Variants in AXIN1 observed in about 807,000 individuals in gnomAD.
AXIN1 encodes axin-1.
In AXIN1, 30 loss-of-function variants were observed where a neutral mutation model predicts 76.4. That is an observed-to-expected ratio of 0.39 (90% confidence interval 0.29 to 0.53). The LOEUF (loss-of-function observed/expected upper bound fraction) is 0.53, where lower values mean the gene tolerates loss of function less well. Among genes scored for constraint, AXIN1 ranks in the 20% least tolerant of loss-of-function variants. The pLI is 0.66. For synonymous variants in AXIN1, 545 were observed against 501.4 expected (o/e 1.09, Z -1.16); for missense variants, 1,140 against 1,198.8 (o/e 0.95, Z 0.72).
intron 4 of AXIN1, among the ~76,000 whole-genome samples, chr16:309,614 CAGG>C (rs1195718229): frequency 6.6e-6 from 1 of 152,252 alleles, no homozygotes; most frequent in Non-Finnish European, 1.5e-5. Context: ...AAGGGCTGTG[CAGG>C]GGCCAGGCCT....
intron 2 of AXIN1, among the ~76,000 whole-genome samples, chr16:318,650 T>C (rs993547244): frequency 2.6e-5 from 4 of 152,288 alleles, no homozygotes; most frequent in Admixed American, 6.5e-5. Context: ...GGGAGGGGCA[T>C]GTGCTCGCGT....
intron 2 of AXIN1, among the ~76,000 whole-genome samples, chr16:325,902 A>G (rs1004544470): frequency 1.3e-5 from 2 of 152,136 alleles, no homozygotes; most frequent in African/African-American, 4.8e-5. Flanking sequence ...GGCACAGCAC[A>G]CAAAATGCAG....
At chr16:310,493 T>C (rs2053149328) in intron 3 of AXIN1, among the ~76,000 whole-genome samples, 1 of 152,006 alleles carries the variant, frequency 6.6e-6, no homozygotes, top group Non-Finnish European at 1.5e-5. Context: ...ACCTCCCGGG[T>C]TCACGCTATT....
At chr16:300,178 G>A (rs1408523834) in intron 5 of AXIN1, among the ~76,000 whole-genome samples, 2 of 151,892 alleles carry the variant, frequency 1.3e-5, no homozygotes, top group Non-Finnish European at 2.9e-5. Flanking sequence ...CTGACCTCAG[G>A]TGATCCACCC....
rs214241 is a variant in AXIN1 at position 303,219 on chromosome 16, C to T, written c.1254+1085G>A. On this transcript the variant is annotated intron_variant, in intron 5 of 10. Coordinates refer to ENST00000262320, the MANE Select transcript of AXIN1 (RefSeq NM_003502.4). ...TGGGAAGGGGTCTCCAGAGAAACTC[C>T]AGCCGGCCTGCGCACTGGGAGGAGC... Among the ~76,000 whole-genome samples the T allele has an allele frequency of 8.5e-3, 1,301 of 152,208 alleles. 8 individuals carry two copies. Among genetic ancestry groups the T allele is most frequent in the Non-Finnish European group, 0.013 (852 of 68,010 alleles).
chr16:334,927 G>C (rs1401525295), intron 2 of AXIN1, among the ~76,000 whole-genome samples: 1 of 152,066 alleles, frequency 6.6e-6, no homozygotes, highest in East Asian at 1.9e-4. Context: ...CTCTGAGGCA[G>C]AAATAGAAAA....
At position 352,521 on chromosome 16, in the gene AXIN1, G is replaced by A; in HGVS notation, c.-234C>T. On this transcript the variant is annotated 5_prime_UTR_variant, in exon 1 of 11. Coordinates refer to ENST00000262320, the MANE Select transcript of AXIN1 (RefSeq NM_003502.4). ...CTCGGCGGCTGCGGCTCGGCGGCCC[G>A]GAGGCGGACGCGGGGCAGGCCGCGG... 1 of 686,384 alleles carries A rather than the reference G, an allele frequency of 1.5e-6. No individual in the cohort carries two copies. Among genetic ancestry groups the A allele is most frequent in the Non-Finnish European group, 1.8e-6 (1 of 559,792 alleles). The allele number at this position is 686,384 out of a possible 1,614,324, so 42.5% of individuals were successfully genotyped here.
chr16:310,282 G>T (rs2053141337), intron 3 of AXIN1, among the ~76,000 whole-genome samples: 2 of 152,240 alleles, frequency 1.3e-5, no homozygotes, highest in Non-Finnish European at 1.5e-5. Flanking sequence ...TGATGGTAAA[G>T]CCCAGGTGCC....
chr16:308,432 A>T (rs980948908), intron 4 of AXIN1, among the ~76,000 whole-genome samples: 3 of 152,110 alleles, frequency 2.0e-5, no homozygotes, highest in Non-Finnish European at 4.4e-5. Flanking sequence ...CTTTCTACAC[A>T]CGAAGACTCT....
intron 7 of AXIN1, among the ~76,000 whole-genome samples, chr16:294,755 CAAA>C (rs1015576394): frequency 2.4e-4 from 6 of 24,760 alleles, no homozygotes; most frequent in African/African-American, 8.5e-4. Context: ...AACCCCATCT[CAAA>C]AAAAAAAAAA....
At chr16:319,553 T>C (rs146514171) in intron 2 of AXIN1, among the ~76,000 whole-genome samples, 1,650 of 152,242 alleles carry the variant, frequency 0.011, 29 homozygotes, top group African/African-American at 0.038. Context: ...GCCAGTGCAC[T>C]CTAGGCTGGC....
At chr16:344,483 T>G (rs35050910) in intron 2 of AXIN1, among the ~76,000 whole-genome samples, 31,426 of 149,764 alleles carry the variant, frequency 0.21, 3,612 homozygotes, top group South Asian at 0.3. Flanking sequence ...TTTGTTTTTT[T>G]TTTGTTTTTT....
intron 10 of AXIN1, among the ~76,000 whole-genome samples, chr16:288,583 G>A (rs1476635649): frequency 2.0e-5 from 3 of 152,238 alleles, no homozygotes; most frequent in Non-Finnish European, 4.4e-5. Flanking sequence ...CGTCATGGAG[G>A]TGACCCCAAC....
In AXIN1 at chr16:302,294, A is replaced by G. The variant is rs985049663; in HGVS notation, c.1254+2010T>C. 5.3e-5 allele frequency among the ~76,000 whole-genome samples: 8 copies of G among 152,374 alleles called. No homozygotes were observed. The East Asian group carries it at 1.2e-3, about 22-fold the overall frequency. On this transcript the variant is annotated intron_variant, in intron 5 of 10. Transcript: ENST00000262320. ...GAGAAGGTGAACTTGGCACCTGCAG[A>G]GCCCTGGAGCTGGCACCACCCACAC...
chr16:295,362 G>A (rs1443314121), intron 7 of AXIN1, among the ~76,000 whole-genome samples: 5 of 151,556 alleles, frequency 3.3e-5, no homozygotes, highest in African/African-American at 9.7e-5. Flanking sequence ...CACCTGCCTC[G>A]GCCTCCCAAA....
In AXIN1 at chr16:288,341, C is replaced by T. The variant is rs552042203; in HGVS notation, c.2463-93G>A. On this transcript the variant is annotated intron_variant, in intron 10 of 10. Transcript: ENST00000262320. ...GGGACGGCGTGTCCACACCCCATCC[C>T]GAGGAGCCTCCTGTCCATGCCCCAC... is the stretch of plus-strand genomic sequence containing the variant. The T allele has an allele frequency of 6.4e-5, 101 of 1,584,640 alleles. 1 individual carries two copies. In the East Asian group the frequency reaches 1.9e-3, roughly 30 times the overall value.
At chr16:344,402 C>A (rs1291335597) in intron 2 of AXIN1, among the ~76,000 whole-genome samples, 1 of 146,084 alleles carries the variant, frequency 6.8e-6, no homozygotes, top group East Asian at 2.0e-4. Context: ...CGCACTCCAG[C>A]CTGGGCGATA....
In AXIN1 at chr16:331,920, G is replaced by A. The variant is rs990564804; in HGVS notation, c.878+14228C>T. On this transcript the variant is annotated intron_variant, in intron 2 of 10. Transcript: ENST00000262320. ...CCTCGCTGAGCCCCTGCTCAAAAGCGCTGTTTCCAGGCCTGTGGGTTCCAG... is the reference window on the plus strand; with the variant it reads ...CCTCGCTGAGCCCCTGCTCAAAAGCACTGTTTCCAGGCCTGTGGGTTCCAG... Among the ~76,000 whole-genome samples, 13 of 152,320 alleles carry A rather than the reference G, an allele frequency of 8.5e-5. 2 individuals carry two copies. Among genetic ancestry groups the A allele is most frequent in the Admixed American group, 6.5e-5 (1 of 15,296 alleles).
Position 350,607 on chromosome 16 carries a change from T to G in AXIN1, c.-82+1762A>C, listed in dbSNP as rs115305427. ...GGAGGCAAGTAACACAACACGACTC[T>G]GACATCTTCCCAGCTGTCCATTGAT... On this transcript the variant is annotated intron_variant, in intron 1 of 10. Transcript: ENST00000262320. Among the ~76,000 whole-genome samples the G allele has an allele frequency of 2.5e-3, 385 of 152,368 alleles. 1 individual carries two copies. The highest frequency in any genetic ancestry group is 8.8e-3 in the African/African-American group (368 of 41,592).
Sources: allele counts gnomAD v4.1 joint callset (sites outside exome capture counted in the v4.1 genomes callset), GRCh38; gene constraint gnomAD v4.1.1; transcripts MANE v1.5; gene names NCBI Gene and HGNC (gene_info 2026-07-23, HGNC 2026-07-21).